Variants in SYN3 observed in about 807,000 individuals in gnomAD.
SYN3 encodes the protein synapsin III.
A neutral mutation model predicts 65.8 loss-of-function variants in SYN3; 35 were observed. That is an observed-to-expected ratio of 0.53 (90% CI 0.41 to 0.70). The LOEUF is 0.70. Among genes scored for constraint, SYN3 ranks in the 30% least tolerant of loss-of-function variants. The probability of loss-of-function intolerance (pLI) is 0.00; values close to 1 mark genes in which losing one functional copy is unlikely to be tolerated. For synonymous variants in SYN3, 270 were observed against 292.9 expected, an observed-to-expected ratio of 0.92 and a Z score of 0.80; for missense variants, 680 against 749.0, an observed-to-expected ratio of 0.91 and a Z score of 1.08.
intron 2 of SYN3, among the ~76,000 whole-genome samples, chr22:32,989,673 A>G (rs186457653): frequency 1.4e-3 from 209 of 151,038 alleles, no homozygotes; most frequent in African/African-American, 4.9e-3. Context: ...CGTGTCTACC[A>G]AAAATACAAA....
Position 32,861,179 on chromosome 22 carries a change from A to G in SYN3, c.711+3736T>C, listed in dbSNP as rs1024972413. ...GCTGCCAATTGAAACAGAAGAAGAAAAAAAAAAAAAGCAGCAGACAACACA... is the reference window on the plus strand; with the variant it reads ...GCTGCCAATTGAAACAGAAGAAGAAGAAAAAAAAAAGCAGCAGACAACACA... On this transcript the variant is annotated intron_variant, in intron 6 of 13. Transcript: ENST00000358763. The G allele has an allele frequency of 1.2e-4, 18 of 150,448 alleles. No individual in the cohort carries two copies. The highest frequency in any genetic ancestry group is 4.2e-4 in the South Asian group (2 of 4,802). The allele number at this position is 150,448 out of a possible 1,614,324, so 9.3% of individuals were successfully genotyped here.
rs6518787 is a variant in SYN3 at position 32,545,130 on chromosome 22, T to A, written c.775-3417A>T. Among the ~76,000 whole-genome samples, 10 of 152,178 alleles carry A rather than the reference T, an allele frequency of 6.6e-5. No individual in the cohort carries two copies. The East Asian group carries it at 1.9e-3, about 29-fold the overall frequency. On this transcript the variant is annotated intron_variant, in intron 7 of 13. Transcript: ENST00000358763. Reference sequence around the variant, plus strand: ...GTACTCCTCGCTTCTCTCCCCTTGCTGGCTGGAGTGTGGACCATCTTTGAC... The same window carrying A: ...GTACTCCTCGCTTCTCTCCCCTTGCAGGCTGGAGTGTGGACCATCTTTGAC...
intron 7 of SYN3, among the ~76,000 whole-genome samples, chr22:32,553,847 G>GAAT (rs2058451390): frequency 6.6e-6 from 1 of 152,176 alleles, no homozygotes; most frequent in Non-Finnish European, 1.5e-5. Context: ...AGTTTATCCA[G>GAAT]GCTCAGAATG....
At chr22:32,545,604 A>G (rs1447823739) in intron 7 of SYN3, among the ~76,000 whole-genome samples, 1 of 152,010 alleles carries the variant, frequency 6.6e-6, no homozygotes, top group Non-Finnish European at 1.5e-5. Flanking sequence ...TCTGTTGCCC[A>G]GGCTGGAGTG....
intron 6 of SYN3, among the ~76,000 whole-genome samples, chr22:32,627,156 G>C (rs2059679315): frequency 6.6e-6 from 1 of 151,580 alleles, no homozygotes; most frequent in African/African-American, 2.4e-5. Flanking sequence ...AGTGCGGCGG[G>C]CGGGTAACTT....
intron 6 of SYN3, among the ~76,000 whole-genome samples, chr22:32,700,680 T>C (rs1246806435): frequency 6.6e-6 from 1 of 152,148 alleles, no homozygotes; most frequent in African/African-American, 2.4e-5. Flanking sequence ...CTCACAATTC[T>C]AGGGGATTAG....
intron 6 of SYN3, among the ~76,000 whole-genome samples, chr22:32,623,248 A>G (rs1416544198): frequency 6.6e-6 from 1 of 151,916 alleles, no homozygotes; most frequent in Non-Finnish European, 1.5e-5. Context: ...CAGCTGGGGC[A>G]TGATCATTAC....
At position 32,591,456 on chromosome 22, in the gene SYN3, C is replaced by G. The variant is rs548431534; in HGVS notation, c.774+5218G>C. On this transcript the variant is annotated intron_variant, in intron 7 of 13. Coordinates refer to ENST00000358763, the MANE Select transcript of SYN3 (RefSeq NM_003490.4). Reference sequence around the variant, plus strand: ...TTCTACTTACTTTTCCGTTCTTGTACCCCAACAATGTATATGACCAAATTT... The same window carrying G: ...TTCTACTTACTTTTCCGTTCTTGTAGCCCAACAATGTATATGACCAAATTT... Among the ~76,000 whole-genome samples, 5 of 152,232 alleles carry G rather than the reference C, an allele frequency of 3.3e-5. No homozygotes were observed. The East Asian group carries it at 9.6e-4, about 29-fold the overall frequency.
At chr22:32,684,868 C>T (rs2147127851) in intron 6 of SYN3, among the ~76,000 whole-genome samples, 1 of 152,286 alleles carries the variant, frequency 6.6e-6, no homozygotes, top group South Asian at 2.1e-4. Flanking sequence ...GCCCCAATTT[C>T]TCTATCAGTG....
At chr22:32,780,654 C>T (rs1415369157) in intron 6 of SYN3, among the ~76,000 whole-genome samples, 1 of 152,130 alleles carries the variant, frequency 6.6e-6, no homozygotes, top group Non-Finnish European at 1.5e-5. Flanking sequence ...AGCCTGGGCA[C>T]TGAAATAACA....
At chr22:32,571,467 C>G (rs769592667) in intron 7 of SYN3, among the ~76,000 whole-genome samples, 10 of 152,200 alleles carry the variant, frequency 6.6e-5, no homozygotes, top group Non-Finnish European at 1.5e-4. Context: ...CTCACTCCAT[C>G]TATCATTTTG....
chr22:32,561,606 G>C (rs1002188116), intron 7 of SYN3, among the ~76,000 whole-genome samples: 1 of 152,190 alleles, frequency 6.6e-6, no homozygotes, highest in African/African-American at 2.4e-5. Flanking sequence ...CTTCCATGTG[G>C]AGGGAACAAC....
intron 1 of SYN3, among the ~76,000 whole-genome samples, chr22:33,051,546 C>G (rs1246150333): frequency 7.8e-6 from 1 of 128,970 alleles, no homozygotes; most frequent in Non-Finnish European, 1.6e-5. Context: ...GGCAATAATC[C>G]ATTTCCCATT....
At chr22:32,560,676 C>T (rs1159715552) in intron 7 of SYN3, among the ~76,000 whole-genome samples, 1 of 152,100 alleles carries the variant, frequency 6.6e-6, no homozygotes, top group African/African-American at 2.4e-5. Flanking sequence ...TGTAGGGTCT[C>T]AGAGCCACCG....
chr22:32,529,822 C>T lies in SYN3; in HGVS notation c.1096-814G>A, dbSNP rs72620411. Among the ~76,000 whole-genome samples, 316 of 152,276 alleles carry T rather than the reference C, an allele frequency of 2.1e-3. 1 individual carries two copies. Among genetic ancestry groups the T allele is most frequent in the African/African-American group, 7.2e-3 (299 of 41,552 alleles). On this transcript the variant is annotated intron_variant, in intron 10 of 13. Transcript: ENST00000358763. ...GGAGTCGGCGGCCTGCATTCACCCA[C>T]GCCACCCCATCAGACTCACCGTCTT...
At chr22:32,585,733 A>G (rs2059013237) in intron 7 of SYN3, among the ~76,000 whole-genome samples, 1 of 140,856 alleles carries the variant, frequency 7.1e-6, no homozygotes, top group African/African-American at 3.0e-5. Context: ...ATTGGGTTAC[A>G]CAGAGAAGCA....
chr22:32,529,455 T>C (rs1227597904), intron 10 of SYN3, among the ~76,000 whole-genome samples: 2 of 151,572 alleles, frequency 1.3e-5, no homozygotes, highest in African/African-American at 4.9e-5. Flanking sequence ...CGGGCTGGAG[T>C]TGACCCAGGG....
intron 7 of SYN3, among the ~76,000 whole-genome samples, chr22:32,590,090 C>T (rs1300541271): frequency 6.6e-6 from 1 of 152,262 alleles, no homozygotes; most frequent in South Asian, 2.1e-4. Flanking sequence ...CACATAACCA[C>T]CCCCTAAATC....
chr22:32,508,383 T>G lies in SYN3; in HGVS notation c.*5309A>C, dbSNP rs1015863611. The stretch of plus-strand genomic sequence containing the variant: ...TCCCAAATCCTATAAAACGGCCCCA[T>G]CCCTACTCCCTTTGCTGACTCTCTT... On this transcript the variant is annotated 3_prime_UTR_variant, in exon 14 of 14. Coordinates refer to ENST00000358763, the MANE Select transcript of SYN3 (RefSeq NM_003490.4). Among the ~76,000 whole-genome samples, 1 of 151,996 alleles carries G rather than the reference T, an allele frequency of 6.6e-6. No individual in the cohort carries two copies. The highest frequency in any genetic ancestry group is 1.5e-5 in the Non-Finnish European group (1 of 68,018).
Sources: allele counts gnomAD v4.1 joint callset (sites outside exome capture counted in the v4.1 genomes callset), GRCh38; gene constraint gnomAD v4.1.1; transcripts MANE v1.5; gene names NCBI Gene and HGNC (gene_info 2026-07-23, HGNC 2026-07-21).